JAM3: variants seen among roughly 807,000 people sequenced by gnomAD.
The protein encoded by JAM3 is junctional adhesion molecule C.
Under a neutral mutation model 39.4 loss-of-function variants are expected in JAM3, and 31 were observed. The ratio of observed to expected loss-of-function variants is 0.79; its 90% confidence interval spans 0.59 to 1.06. The LOEUF (loss-of-function observed/expected upper bound fraction) is 1.06. Ranked by LOEUF, JAM3 falls within the 50% of genes least tolerant of loss-of-function variation. The pLI is 0.00. For synonymous variants in JAM3, 182 were observed against 148.7 expected, an observed-to-expected ratio of 1.22 and a Z score of -1.63; for missense variants, 455 against 391.4, an observed-to-expected ratio of 1.16 and a Z score of -1.37.
chr11:134,110,859 ATTGT>A (rs991850850), intron 1 of JAM3, among the ~76,000 whole-genome samples: 4 of 151,824 alleles, frequency 2.6e-5, no homozygotes, highest in African/African-American at 9.7e-5. Flanking sequence ...TTATACCTTG[ATTGT>A]TTTTTTAAAA....
chr11:134,119,175 C>T (rs1482194677), intron 1 of JAM3, among the ~76,000 whole-genome samples: 1 of 152,106 alleles, frequency 6.6e-6, no homozygotes, highest in Non-Finnish European at 1.5e-5. Flanking sequence ...ATCTGCCCTC[C>T]TCAGTCTCCC....
At chr11:134,087,134 CGCT>C (rs1941757958) in intron 1 of JAM3, among the ~76,000 whole-genome samples, 1 of 151,846 alleles carries the variant, frequency 6.6e-6, no homozygotes, top group South Asian at 2.1e-4. Flanking sequence ...TTCCCAAACA[CGCT>C]TAGTGAAATG....
In JAM3 at chr11:134,069,094, G is replaced by A; in HGVS notation, c.11G>A (p.Arg4Lys). 2 of 1,611,574 alleles carry A rather than the reference G, an allele frequency of 1.2e-6. No individual in the cohort carries two copies. The highest frequency in any genetic ancestry group is 1.7e-5 in the Admixed American group (1 of 59,934). MAL[R>K]RPPRLRLCAR... ...TCAGCAACCCTCGACATGGCGCTGA[G>A]GCGGCCACCGCGACTCCGGCTCTGC... Residue 4 changes from arginine to lysine, a missense_variant, in exon 1 of 9, where the codon AGG (arginine) becomes AAG (lysine). Coordinates refer to ENST00000299106, the MANE Select transcript of JAM3 (RefSeq NM_032801.5).
At chr11:134,143,721 G>T (rs1943016813) in intron 3 of JAM3, among the ~76,000 whole-genome samples, 1 of 152,156 alleles carries the variant, frequency 6.6e-6, no homozygotes, top group African/African-American at 2.4e-5. Context: ...TGTGCTTTTG[G>T]TGTCATATCT....
chr11:134,101,509 C>T (rs1030580214), intron 1 of JAM3, among the ~76,000 whole-genome samples: 2 of 152,170 alleles, frequency 1.3e-5, no homozygotes, highest in Admixed American at 6.5e-5. Flanking sequence ...CTAAGCATGT[C>T]TCCAGGCTTA....
At chr11:134,124,559 T>C (rs1942606296) in intron 1 of JAM3, among the ~76,000 whole-genome samples, 1 of 152,240 alleles carries the variant, frequency 6.6e-6, no homozygotes, top group African/African-American at 2.4e-5. Flanking sequence ...CCTCAATTTC[T>C]GCAGATGGAT....
At chr11:134,095,639 AAAG>A (rs1459462658) in intron 1 of JAM3, among the ~76,000 whole-genome samples, 1 of 152,096 alleles carries the variant, frequency 6.6e-6, no homozygotes, top group African/African-American at 2.4e-5. Context: ...AAAAAAAAAA[AAAG>A]ATTTGTTCTA....
At chr11:134,116,393 C>T (rs185711844) in intron 1 of JAM3, among the ~76,000 whole-genome samples, 2 of 152,124 alleles carry the variant, frequency 1.3e-5, no homozygotes, top group Admixed American at 1.3e-4. Context: ...TGGCCTCTGT[C>T]TCTCATTTAT....
chr11:134,089,542 A>T lies in JAM3; in HGVS notation c.76+20383A>T, dbSNP rs188755966. 3.7e-4 allele frequency among the ~76,000 whole-genome samples: 56 copies of T among 152,066 alleles called. No individual in the cohort carries two copies. In the East Asian group the frequency reaches 8.9e-3, roughly 24 times the overall value. On this transcript the variant is annotated intron_variant, in intron 1 of 8. Transcript: ENST00000299106. ...TCTCATTGTTCAATTCCCACCTATGAGTGAGAACATGTGGTGTTTGGTTTT... is the reference window on the plus strand; with the variant it reads ...TCTCATTGTTCAATTCCCACCTATGTGTGAGAACATGTGGTGTTTGGTTTT...
intron 6 of JAM3, among the ~76,000 whole-genome samples, chr11:134,146,277 C>T (rs924441125): frequency 1.3e-5 from 2 of 152,080 alleles, no homozygotes; most frequent in Non-Finnish European, 2.9e-5. Flanking sequence ...GTGTTGGGAA[C>T]GTGGCCAGCC....
At chr11:134,142,380 CA>C (rs1309251235) in intron 3 of JAM3, among the ~76,000 whole-genome samples, 1 of 152,170 alleles carries the variant, frequency 6.6e-6, no homozygotes, top group Non-Finnish European at 1.5e-5. Context: ...GGGTGTATAA[CA>C]AAGCTTCCCA....
chr11:134,105,530 G>A (rs1409243128), intron 1 of JAM3, among the ~76,000 whole-genome samples: 1 of 152,026 alleles, frequency 6.6e-6, no homozygotes, highest in Non-Finnish European at 1.5e-5. Context: ...AGAAATAAAG[G>A]GTATTCAATT....
chr11:134,145,181 G>C (rs749127541), intron 5 of JAM3, 187 bp downstream of exon 5: 4 of 629,858 alleles, frequency 6.4e-6, no homozygotes, highest in Non-Finnish European at 1.1e-5. Context: ...ATTCTTAGGG[G>C]GTAAAATAAG....
intron 1 of JAM3, among the ~76,000 whole-genome samples, chr11:134,101,400 C>T (rs893316500): frequency 1.3e-5 from 2 of 152,092 alleles, no homozygotes; most frequent in Non-Finnish European, 2.9e-5. Context: ...AATATTTATT[C>T]AAAGAGTGGT....
intron 1 of JAM3, among the ~76,000 whole-genome samples, chr11:134,121,505 TTTG>T (rs886773251): frequency 3.9e-5 from 6 of 152,038 alleles, no homozygotes; most frequent in Non-Finnish European, 7.4e-5. Flanking sequence ...TAAAACATGT[TTTG>T]TTGTTCTTTA....
At chr11:134,132,383 G>T (rs900792664) in intron 1 of JAM3, among the ~76,000 whole-genome samples, 1 of 152,200 alleles carries the variant, frequency 6.6e-6, no homozygotes, top group African/African-American at 2.4e-5. Context: ...AGTGAAAGTT[G>T]AGGGAGTTAA....
At chr11:134,114,039 T>G (rs900218744) in intron 1 of JAM3, among the ~76,000 whole-genome samples, 1 of 150,370 alleles carries the variant, frequency 6.7e-6, no homozygotes, top group Admixed American at 6.6e-5. Context: ...TTGATGGGTT[T>G]GTTTGTTTTT....
At chr11:134,108,596 AAAAC>A (rs1477678481) in intron 1 of JAM3, among the ~76,000 whole-genome samples, 2 of 152,200 alleles carry the variant, frequency 1.3e-5, no homozygotes, top group Non-Finnish European at 1.5e-5. Context: ...GAAGAAAACA[AAAAC>A]AAAAACCAAC....
At chr11:134,120,271 C>T (rs926940541) in intron 1 of JAM3, among the ~76,000 whole-genome samples, 3 of 152,196 alleles carry the variant, frequency 2.0e-5, no homozygotes, top group African/African-American at 4.8e-5. Flanking sequence ...AGTGCAGCCT[C>T]GCAGTAATGC....
Sources: allele counts gnomAD v4.1 joint callset (sites outside exome capture counted in the v4.1 genomes callset), GRCh38; gene constraint gnomAD v4.1.1; transcripts MANE v1.5; gene names NCBI Gene and HGNC (gene_info 2026-07-23, HGNC 2026-07-21).